The following IL7R variants were observed in gnomAD, a reference collection of about 807,000 sequenced individuals.
IL7R encodes the protein interleukin 7 receptor, also known as interleukin-7 receptor subunit alpha.
In IL7R, 38 loss-of-function variants were observed where a neutral mutation model predicts 47.0. The observed-to-expected ratio is 0.81, with a 90% CI of 0.62 to 1.06. The LOEUF (loss-of-function observed/expected upper bound fraction) is 1.06, where lower values mean the gene tolerates loss of function less well. Ranked by LOEUF, IL7R falls within the 50% of genes least tolerant of loss-of-function variation. IL7R has a pLI of 0.00. For missense variants in IL7R, 633 were observed against 534.8 expected (o/e 1.18, Z -1.81); for synonymous variants, 221 against 199.8 (o/e 1.11, Z -0.89).
chr5:35,870,921 A>G lies in IL7R; in HGVS notation c.380-135A>G, dbSNP rs571825909. ...ACTGGATTTAAACCCAAGAAGAAGA[A>G]ATGGTTTTCTGAATAGTTGGCCATT... On this transcript the variant is annotated intron_variant, in intron 3 of 7. Coordinates refer to ENST00000303115, the MANE Select transcript of IL7R (RefSeq NM_002185.5). The G allele has an allele frequency of 6.2e-5, 47 of 763,568 alleles. 1 individual carries two copies. The South Asian group carries it at 6.8e-4, about 11-fold the overall frequency. The allele number at this position is 763,568 out of a possible 1,614,324, so 47.3% of individuals were successfully genotyped here.
At chr5:35,875,478 A>C in intron 6 of IL7R, 34 bp from the exon 7 acceptor site, 7 of 1,446,858 alleles carry the variant, frequency 4.8e-6, no homozygotes, top group South Asian at 1.1e-5. Context: ...GCCCTCTGCC[A>C]TTCACTTCAT....
Position 35,873,469 on chromosome 5 carries a change from C to G in IL7R, c.538-11C>G, listed in dbSNP as rs200186071. On this transcript the variant is annotated splice_polypyrimidine_tract_variant and intron_variant, in intron 4 of 7. Coordinates refer to ENST00000303115, the MANE Select transcript of IL7R (RefSeq NM_002185.5). ...CCCATCCTAAGAATGTAACTGCACT[C>G]TACTCTCTAGCATGTGAATTTATCC... 3.1e-6 allele frequency: 5 copies of G among 1,612,282 alleles called. No individual in the cohort carries two copies. The African/African-American group carries it at 5.3e-5, about 17-fold the overall frequency.
At chr5:35,869,940 C>T (rs1051479098) in intron 3 of IL7R, among the ~76,000 whole-genome samples, 4 of 152,186 alleles carry the variant, frequency 2.6e-5, no homozygotes, top group African/African-American at 9.7e-5. Flanking sequence ...GTCACCACTA[C>T]GAATAAGTGA....
At chr5:35,860,792 A>G (rs1759783733) in intron 1 of IL7R, 60 bp from the exon 2 acceptor site, 9 of 1,534,616 alleles carry the variant, frequency 5.9e-6, no homozygotes, top group Non-Finnish European at 8.1e-6. Flanking sequence ...AGGTCATGCC[A>G]TATTTCAAAA....
Position 35,879,118 on chromosome 5 carries a change from T to C in IL7R, c.*2632T>C, listed in dbSNP as rs1760289984. The C allele has an allele frequency of 4.3e-6, 1 of 232,902 alleles. No individual in the cohort carries two copies. The highest frequency in any genetic ancestry group is 2.2e-5 in the African/African-American group (1 of 45,332). The allele number at this position is 232,902 out of a possible 1,614,324, so 14.4% of individuals were successfully genotyped here. A position where few individuals can be genotyped will look rare whatever the true frequency, so the allele number is the denominator to read the frequency against. On this transcript the variant is annotated 3_prime_UTR_variant, in exon 8 of 8. Transcript: ENST00000303115. ...AACCTCCTGATCGGAGACAATGTATTAATCAGAAGTGTAAACTGCCAGTTC... is the reference window on the plus strand; with the variant it reads ...AACCTCCTGATCGGAGACAATGTATCAATCAGAAGTGTAAACTGCCAGTTC...
At position 35,870,992 on chromosome 5, in the gene IL7R, T is replaced by G. The variant is rs567465471; in HGVS notation, c.380-64T>G. 12 of 1,453,246 alleles carry G rather than the reference T, an allele frequency of 8.3e-6. No homozygotes were observed. The Admixed American group carries it at 2.0e-4, about 24-fold the overall frequency. 90.0% of individuals were successfully genotyped at this position (1,453,246 alleles called of 1,614,324 possible). A position where few individuals can be genotyped will look rare whatever the true frequency, so the allele number is the denominator to read the frequency against. On this transcript the variant is annotated intron_variant, in intron 3 of 7. Coordinates refer to ENST00000303115, the MANE Select transcript of IL7R (RefSeq NM_002185.5). ...AAGTGACTTGCAGAGGAGATGAATTTTAAATACTATAATTATTTCCTTGGC... is the reference window on the plus strand; with the variant it reads ...AAGTGACTTGCAGAGGAGATGAATTGTAAATACTATAATTATTTCCTTGGC...
In IL7R at chr5:35,867,407, G is replaced by A. The variant is rs751922549; in HGVS notation, c.323G>A (p.Cys108Tyr). Reference sequence around the variant, plus strand: ...TTACTGATTGGAAAGAGCAATATATGTGTGAAGGTTGGAGAAAAGAGTCTA... The same window carrying A: ...TTACTGATTGGAAAGAGCAATATATATGTGAAGGTTGGAGAAAAGAGTCTA... ...KFLLIGKSNI[C>Y]VKVGEKSLTC... The change falls in exon 3 of 8, where the codon TGT becomes TAT. Residue 108 changes from cysteine to tyrosine, a missense_variant. Cys to Tyr is a radical substitution (Grantham distance 194). Transcript: ENST00000303115. The A allele has an allele frequency of 9.9e-6, 16 of 1,613,154 alleles. No homozygotes were observed. Among genetic ancestry groups the A allele is most frequent in the Admixed American group, 3.3e-5 (2 of 59,990 alleles).
In IL7R at chr5:35,879,412, C is replaced by A. The variant is rs1464168175; in HGVS notation, c.*2926C>A. Reference sequence around the variant, plus strand: ...CCTGGAAATGATGCAGATTAGGTGGCATTTTTGTCAGCTCTGTGGTTTATT... The same window carrying A: ...CCTGGAAATGATGCAGATTAGGTGGAATTTTTGTCAGCTCTGTGGTTTATT... On this transcript the variant is annotated 3_prime_UTR_variant, in exon 8 of 8. Coordinates refer to ENST00000303115, the MANE Select transcript of IL7R (RefSeq NM_002185.5). 1 of 232,778 alleles carries A rather than the reference C, an allele frequency of 4.3e-6. No individual in the cohort carries two copies. Among genetic ancestry groups the A allele is most frequent in the Non-Finnish European group, 8.5e-6 (1 of 117,828 alleles). The allele number at this position is 232,778 out of a possible 1,614,324, so 14.4% of individuals were successfully genotyped here. A position where few individuals can be genotyped will look rare whatever the true frequency, so the allele number is the denominator to read the frequency against.
In IL7R at chr5:35,878,153, A is replaced by G. The variant is rs1760261675; in HGVS notation, c.*1667A>G. On this transcript the variant is annotated 3_prime_UTR_variant, in exon 8 of 8. Transcript: ENST00000303115. ...TGGCTTAAAGGACTGGTAAGATCAG[A>G]CCATCTTATTCTTCAGGTGAATGTT... 4.3e-6 allele frequency: 1 copy of G among 233,164 alleles called. No homozygotes were observed. The highest frequency in any genetic ancestry group is 1.8e-4 in the South Asian group (1 of 5,538). 14.4% of individuals were successfully genotyped at this position (233,164 alleles called of 1,614,324 possible). A position where few individuals can be genotyped will look rare whatever the true frequency, so the allele number is the denominator to read the frequency against.
intron 4 of IL7R, among the ~76,000 whole-genome samples, chr5:35,872,858 A>G (rs1760104089): frequency 6.6e-6 from 1 of 152,220 alleles, no homozygotes; most frequent in Non-Finnish European, 1.5e-5. Context: ...AAATCATTAA[A>G]AAAACAAATA....
intron 2 of IL7R, among the ~76,000 whole-genome samples, chr5:35,867,020 CAATTATAAA>C (rs979370725): frequency 1.3e-5 from 2 of 152,030 alleles, no homozygotes; most frequent in African/African-American, 4.8e-5. Flanking sequence ...TTTCAGTGAT[CAATTATAAA>C]AATATAGAAA....
chr5:35,864,979 A>G (rs565473788), intron 2 of IL7R, among the ~76,000 whole-genome samples: 2 of 152,202 alleles, frequency 1.3e-5, no homozygotes, highest in South Asian at 4.1e-4. Context: ...TTATTATTAT[A>G]CTTTAAGTTC....
rs3777089 is a variant in IL7R, at chr5:35,872,021, G to A, written c.537+808G>A. On this transcript the variant is annotated intron_variant, in intron 4 of 7. Coordinates refer to ENST00000303115, the MANE Select transcript of IL7R (RefSeq NM_002185.5). ...TGCCACTTGCATAAATGTAACAACT[G>A]CCCCAAACCACCTGCTCCCTCCTTC... Among the ~76,000 whole-genome samples, 959 of 152,144 alleles carry A rather than the reference G, an allele frequency of 6.3e-3. 16 individuals carry two copies. Among genetic ancestry groups the A allele is most frequent in the East Asian group, 0.055 (283 of 5,166 alleles).
chr5:35,864,631 G>C (rs1580854729), intron 2 of IL7R, among the ~76,000 whole-genome samples: 1 of 152,130 alleles, frequency 6.6e-6, no homozygotes, highest in South Asian at 2.1e-4. Flanking sequence ...TCTTCTTTGG[G>C]CTAGTATCTG....
chr5:35,873,447 A>C (rs990850873), intron 4 of IL7R, 33 bp from the exon 5 acceptor site: 2 of 1,592,172 alleles, frequency 1.3e-6, no homozygotes, highest in African/African-American at 2.7e-5. Context: ...CTCTTTTCCC[A>C]TCCTAAGAAT....
chr5:35,865,883 C>T (rs185637395), intron 2 of IL7R, among the ~76,000 whole-genome samples: 18 of 152,198 alleles, frequency 1.2e-4, no homozygotes, highest in South Asian at 8.3e-4. Flanking sequence ...ATCAGAGAAA[C>T]GCAAATCAAA....
At chr5:35,867,046 A>G (rs1164182878) in intron 2 of IL7R, among the ~76,000 whole-genome samples, 3 of 152,188 alleles carry the variant, frequency 2.0e-5, no homozygotes, top group African/African-American at 7.2e-5. Context: ...GAAATTTCCC[A>G]TAATTTTATA....
rs1290927709 is a variant in IL7R at position 35,877,154 on chromosome 5, C to T, written c.*668C>T. The T allele has an allele frequency of 4.3e-6, 1 of 233,302 alleles. No homozygotes were observed. The highest frequency in any genetic ancestry group is 5.6e-5 in the Admixed American group (1 of 17,776). 14.5% of individuals were successfully genotyped at this position (233,302 alleles called of 1,614,324 possible). ...AAACGTCACTAGTAACAGGGTGTGC[C>T]TAGATAATTTATGATCCAAACTGAG... On this transcript the variant is annotated 3_prime_UTR_variant, in exon 8 of 8. Transcript: ENST00000303115.
intron 7 of IL7R, 66 bp downstream of exon 7, chr5:35,875,653 C>A: frequency 2.5e-6 from 3 of 1,203,780 alleles, no homozygotes; most frequent in Non-Finnish European, 3.7e-6. Flanking sequence ...AATGATATTC[C>A]AGGACAAGGA....
Sources: allele counts gnomAD v4.1 joint callset (sites outside exome capture counted in the v4.1 genomes callset), GRCh38; gene constraint gnomAD v4.1.1; transcripts MANE v1.5; gene names NCBI Gene and HGNC (gene_info 2026-07-23, HGNC 2026-07-21).